The following SYT15B variants were observed in gnomAD, a reference collection of about 807,000 sequenced individuals.
The protein encoded by SYT15B is synaptotagmin-15.
chr10:47,756,754 G>T, the SYT15B span, among the ~76,000 whole-genome samples: 6 of 152,108 alleles, frequency 3.9e-5, no homozygotes, highest in Non-Finnish European at 1.5e-5. Flanking sequence ...GGTGAACCAA[G>T]GCCTCCCCTT....
the SYT15B span, among the ~76,000 whole-genome samples, chr10:47,756,747 G>C: frequency 6.6e-6 from 1 of 152,228 alleles, no homozygotes. Flanking sequence ...CATGTGGGGT[G>C]AACCAAGGCC....
the SYT15B span, among the ~76,000 whole-genome samples, chr10:47,748,215 T>C: frequency 6.7e-6 from 1 of 148,444 alleles, no homozygotes; most frequent in African/African-American, 2.5e-5. Flanking sequence ...TTTTTTTTTA[T>C]TATTATTTTT....
chr10:47,761,016 GC>G, the SYT15B span: 1 of 1,179,406 alleles, frequency 8.5e-7, no homozygotes, highest in Admixed American at 2.6e-5. Flanking sequence ...AGCACCAGGG[GC>G]TGGAGGAAGA....
the SYT15B span, among the ~76,000 whole-genome samples, chr10:47,756,526 G>A: frequency 1.5e-5 from 2 of 136,948 alleles, no homozygotes; most frequent in Non-Finnish European, 3.1e-5. Flanking sequence ...CCTGTTGGGG[G>A]GCTGCTCACT....
At chr10:47,748,443 C>T in the SYT15B span, among the ~76,000 whole-genome samples, 1 of 151,918 alleles carries the variant, frequency 6.6e-6, no homozygotes, top group Admixed American at 6.6e-5. Context: ...AAACTTCTGA[C>T]CTCAGGTGAT....
chr10:47,755,418 G>C, the SYT15B span, among the ~76,000 whole-genome samples: 1 of 152,240 alleles, frequency 6.6e-6, no homozygotes, highest in East Asian at 1.9e-4. Context: ...ACCACACCCA[G>C]CTAATTTTTT....
At chr10:47,762,169 C>T in the SYT15B span, among the ~76,000 whole-genome samples, 1 of 150,998 alleles carries the variant, frequency 6.6e-6, no homozygotes, top group African/African-American at 2.4e-5. Context: ...CCCTAGCCCT[C>T]TATCAAGGTG....
At chr10:47,748,755 T>G in the SYT15B span, among the ~76,000 whole-genome samples, 3 of 150,924 alleles carry the variant, frequency 2.0e-5, no homozygotes, top group Non-Finnish European at 4.4e-5. Context: ...CGTGAGCCAG[T>G]GCATGTTACT....
the SYT15B span, chr10:47,760,665 C>G: frequency 1.6e-6 from 1 of 627,362 alleles, no homozygotes; most frequent in Non-Finnish European, 2.7e-6. Flanking sequence ...AAAGAGTGGT[C>G]CCTGGGTGGT....
At chr10:47,746,828 A>T in the SYT15B span, among the ~76,000 whole-genome samples, 1 of 90,364 alleles carries the variant, frequency 1.1e-5, no homozygotes, top group Non-Finnish European at 2.2e-5. Flanking sequence ...GCACACTGAT[A>T]AAAGTAACTG....
the SYT15B span, chr10:47,758,113 GC>G: frequency 1.4e-6 from 1 of 707,464 alleles, no homozygotes; most frequent in East Asian, 5.6e-5. Flanking sequence ...AAGGACACCA[GC>G]CAGAGTCAGG....
chr10:47,750,181 A>T, the SYT15B span, among the ~76,000 whole-genome samples: 1 of 151,870 alleles, frequency 6.6e-6, no homozygotes, highest in Non-Finnish European at 1.5e-5. Flanking sequence ...GACCAACCTG[A>T]TTAACAAACT....
At chr10:47,762,209 C>T in the SYT15B span, among the ~76,000 whole-genome samples, 1 of 151,878 alleles carries the variant, frequency 6.6e-6, no homozygotes, top group Non-Finnish European at 1.5e-5. Flanking sequence ...TGGTGCGACG[C>T]GGTGGACGAG....
the SYT15B span, among the ~76,000 whole-genome samples, chr10:47,747,173 G>C: frequency 6.6e-6 from 1 of 151,520 alleles, no homozygotes; most frequent in East Asian, 1.9e-4. Context: ...CGAGCATTTG[G>C]GCAGACGGCC....
the SYT15B span, among the ~76,000 whole-genome samples, chr10:47,749,962 C>T: frequency 3.3e-5 from 5 of 151,798 alleles, no homozygotes; most frequent in African/African-American, 9.7e-5. Flanking sequence ...TAGAGAAAGC[C>T]ATTTCACATA....
At chr10:47,757,912 T>A in the SYT15B span, 1 of 1,580,404 alleles carries the variant, frequency 6.3e-7, no homozygotes, top group Non-Finnish European at 8.6e-7. Flanking sequence ...ATGGTGACCT[T>A]GACCATACCT....
the SYT15B span, chr10:47,763,189 G>C: frequency 6.1e-6 from 6 of 989,332 alleles, no homozygotes; most frequent in Non-Finnish European, 7.2e-6. Context: ...TGGAGTCTCC[G>C]CGCGGGTCCC....
chr10:47,753,081 C>T, the SYT15B span: 1 of 922,524 alleles, frequency 1.1e-6, no homozygotes, highest in East Asian at 1.2e-4. Flanking sequence ...GCACTCCAGC[C>T]TGGGTGACAA....
the SYT15B span, among the ~76,000 whole-genome samples, chr10:47,747,174 G>A: frequency 6.6e-6 from 1 of 151,590 alleles, no homozygotes; most frequent in Non-Finnish European, 1.5e-5. Flanking sequence ...GAGCATTTGG[G>A]CAGACGGCCA....
Sources: allele counts gnomAD v4.1 joint callset (sites outside exome capture counted in the v4.1 genomes callset), GRCh38; gene constraint gnomAD v4.1.1; transcripts MANE v1.5; gene names NCBI Gene and HGNC (gene_info 2026-07-23, HGNC 2026-07-21).